UNC13C: variants seen among roughly 807,000 people sequenced by gnomAD.
The protein encoded by UNC13C is protein unc-13 homolog C.
A neutral mutation model predicts 245.4 loss-of-function variants in UNC13C; 174 were observed. The ratio of observed to expected loss-of-function variants is 0.71; its 90% CI spans 0.63 to 0.80. The LOEUF (loss-of-function observed/expected upper bound fraction) is 0.80. UNC13C is among the 30% of genes least tolerant of loss of function. The pLI is 0.00. For synonymous variants in UNC13C, 992 were observed against 895.1 expected, an observed-to-expected ratio of 1.11 and a Z score of -1.93; for missense variants, 2,829 against 2,602.9, an observed-to-expected ratio of 1.09 and a Z score of -1.89.
chr15:54,316,483 C>G (rs1219166851), intron 13 of UNC13C, among the ~76,000 whole-genome samples: 1 of 151,906 alleles, frequency 6.6e-6, no homozygotes, highest in Non-Finnish European at 1.5e-5. Context: ...ACCCTCCTCA[C>G]CAGGCTGTGA....
chr15:54,217,520 T>TAAA (rs1159280856), intron 4 of UNC13C, among the ~76,000 whole-genome samples: 3 of 152,080 alleles, frequency 2.0e-5, no homozygotes, highest in Non-Finnish European at 4.4e-5. Context: ...CTTTCATTAA[T>TAAA]CTGTTCCTTA....
At chr15:54,128,542 T>C (rs1283476368) in intron 2 of UNC13C, among the ~76,000 whole-genome samples, 1 of 152,230 alleles carries the variant, frequency 6.6e-6, no homozygotes, top group Non-Finnish European at 1.5e-5. Context: ...GGTCTTGCTA[T>C]GACAAGTAAG....
intron 19 of UNC13C, among the ~76,000 whole-genome samples, chr15:54,432,843 G>GACCA (rs1271137241): frequency 6.7e-6 from 1 of 149,280 alleles, no homozygotes; most frequent in African/African-American, 2.4e-5. Flanking sequence ...CAAAATAGCT[G>GACCA]CTAGCCAGAT....
intron 2 of UNC13C, among the ~76,000 whole-genome samples, chr15:54,021,667 T>A (rs1052063112): frequency 3.3e-5 from 5 of 152,222 alleles, no homozygotes; most frequent in African/African-American, 9.6e-5. Flanking sequence ...AGCTATCTCT[T>A]TGAAATATCA....
intron 8 of UNC13C, among the ~76,000 whole-genome samples, chr15:54,251,036 G>A (rs2036139354): frequency 6.6e-6 from 1 of 151,982 alleles, no homozygotes; most frequent in South Asian, 2.1e-4. Flanking sequence ...GATTACATAG[G>A]CGTGAGCCAC....
intron 2 of UNC13C, among the ~76,000 whole-genome samples, chr15:54,078,978 A>C (rs1898786011): frequency 6.6e-6 from 1 of 152,110 alleles, no homozygotes; most frequent in Non-Finnish European, 1.5e-5. Context: ...ATCTTGAGTT[A>C]ATTTTTGTAT....
At chr15:54,402,644 A>G (rs1305548837) in intron 18 of UNC13C, among the ~76,000 whole-genome samples, 2 of 152,162 alleles carry the variant, frequency 1.3e-5, no homozygotes, top group Non-Finnish European at 2.9e-5. Flanking sequence ...GTTTAATCCT[A>G]AATTTATTCT....
intron 2 of UNC13C, among the ~76,000 whole-genome samples, chr15:54,093,214 A>G (rs1032858800): frequency 2.0e-5 from 3 of 151,954 alleles, no homozygotes; most frequent in Non-Finnish European, 4.4e-5. Context: ...AGCCAAAATC[A>G]ATCTTGTCTA....
chr15:53,959,365 A>C, the UNC13C span, among the ~76,000 whole-genome samples: 1 of 152,082 alleles, frequency 6.6e-6, no homozygotes, highest in Non-Finnish European at 1.5e-5. Context: ...AGGAACCTCC[A>C]TACTGTTTTC....
intron 2 of UNC13C, among the ~76,000 whole-genome samples, chr15:54,072,685 T>C (rs1898386627): frequency 6.6e-6 from 1 of 152,206 alleles, no homozygotes; most frequent in South Asian, 2.1e-4. Context: ...ATTTGAATTA[T>C]CTGGGAACTC....
At chr15:54,159,535 C>G in intron 4 of UNC13C, among the ~76,000 whole-genome samples, 1 of 152,184 alleles carries the variant, frequency 6.6e-6, no homozygotes, top group Non-Finnish European at 1.5e-5. Flanking sequence ...AAGGATCAGA[C>G]AGACAAGGGA....
intron 19 of UNC13C, among the ~76,000 whole-genome samples, chr15:54,485,547 C>T (rs1007373404): frequency 3.9e-5 from 6 of 152,222 alleles, no homozygotes; most frequent in African/African-American, 1.2e-4. Context: ...CTTTCTCATC[C>T]CTGTCTTCTG....
the UNC13C span, among the ~76,000 whole-genome samples, chr15:53,870,282 G>A: frequency 6.6e-6 from 1 of 152,126 alleles, no homozygotes; most frequent in Non-Finnish European, 1.5e-5. Context: ...CCTCTCCTTT[G>A]AGAAGTCACT....
the UNC13C span, among the ~76,000 whole-genome samples, chr15:53,966,743 C>G: frequency 3.3e-5 from 5 of 151,670 alleles, no homozygotes; most frequent in South Asian, 1.0e-3. Flanking sequence ...GCGGTATGCC[C>G]TCTCAAAACA....
chr15:54,280,004 G>C (rs944039740), intron 10 of UNC13C, among the ~76,000 whole-genome samples: 4 of 152,152 alleles, frequency 2.6e-5, no homozygotes, highest in African/African-American at 9.7e-5. Context: ...AGAAGGGTAA[G>C]CACATACGTG....
intron 20 of UNC13C, among the ~76,000 whole-genome samples, chr15:54,496,292 T>C (rs777372212): frequency 2.6e-5 from 4 of 151,988 alleles, no homozygotes; most frequent in Admixed American, 1.3e-4. Context: ...GCAGCAAGTA[T>C]GTAAAGGGTG....
the UNC13C span, among the ~76,000 whole-genome samples, chr15:53,959,683 T>C: frequency 2.6e-5 from 4 of 152,190 alleles, no homozygotes; most frequent in Non-Finnish European, 5.9e-5. Flanking sequence ...AGAGATTTCA[T>C]GGCTATGTTT....
At chr15:53,993,495 G>A (rs1228236862) in intron 1 of UNC13C, among the ~76,000 whole-genome samples, 5 of 152,056 alleles carry the variant, frequency 3.3e-5, no homozygotes, top group South Asian at 4.1e-4. Context: ...TGTGTGGCAC[G>A]TTATGGCTGT....
chr15:54,149,927 G>A (rs548382266), intron 4 of UNC13C, among the ~76,000 whole-genome samples: 5 of 152,284 alleles, frequency 3.3e-5, no homozygotes, highest in East Asian at 1.9e-4. Context: ...ATGGGATGAC[G>A]TGCACAGGAA....
Sources: allele counts gnomAD v4.1 joint callset (sites outside exome capture counted in the v4.1 genomes callset), GRCh38; gene constraint gnomAD v4.1.1; transcripts MANE v1.5; gene names NCBI Gene and HGNC (gene_info 2026-07-23, HGNC 2026-07-21).